THSD4: variants seen among roughly 807,000 people sequenced by gnomAD.
THSD4 encodes thrombospondin type-1 domain-containing protein 4.
Under a neutral mutation model 119.0 loss-of-function variants are expected in THSD4, and 69 were observed. The ratio of observed to expected loss-of-function variants is 0.58; its 90% confidence interval spans 0.48 to 0.71. The LOEUF (loss-of-function observed/expected upper bound fraction) is 0.71. THSD4 is among the 30% of genes least tolerant of loss of function. THSD4 has a pLI of 0.00. For synonymous variants in THSD4, 524 were observed against 540.4 expected (o/e 0.97, Z 0.42); for missense variants, 1,393 against 1,391.1 (o/e 1.00, Z -0.02).
chr15:71,721,185 G>T (rs1296867211), intron 8 of THSD4, among the ~76,000 whole-genome samples: 6 of 151,770 alleles, frequency 4.0e-5, no homozygotes, highest in African/African-American at 1.2e-4. Context: ...TGGCCAACAT[G>T]GTGAAACCCT....
At chr15:71,300,023 C>T (rs1251059623) in intron 6 of THSD4, among the ~76,000 whole-genome samples, 1 of 146,320 alleles carries the variant, frequency 6.8e-6, no homozygotes, top group African/African-American at 2.5e-5. Context: ...TGGTGGCAGG[C>T]ATCTGTGGTC....
intron 7 of THSD4, among the ~76,000 whole-genome samples, chr15:71,443,615 G>A (rs1373702659): frequency 3.9e-5 from 6 of 152,164 alleles, no homozygotes; most frequent in Non-Finnish European, 8.8e-5. Flanking sequence ...CAGCAAACCT[G>A]TATGTTGTCC....
At chr15:71,771,266 C>T in intron 17 of THSD4, 58 bp downstream of exon 17, 1 of 1,594,670 alleles carries the variant, frequency 6.3e-7, no homozygotes, top group Non-Finnish European at 8.6e-7. Flanking sequence ...TTGTCAGATT[C>T]TCCGGTGTGA....
chr15:71,571,842 C>G (rs2049364567), intron 7 of THSD4, among the ~76,000 whole-genome samples: 1 of 152,188 alleles, frequency 6.6e-6, no homozygotes, highest in Non-Finnish European at 1.5e-5. Context: ...ATGGGAGATT[C>G]AGCTGCTGGG....
At chr15:71,575,688 C>G (rs2049435990) in intron 7 of THSD4, among the ~76,000 whole-genome samples, 1 of 152,170 alleles carries the variant, frequency 6.6e-6, no homozygotes, top group African/African-American at 2.4e-5. Context: ...TCATTATTGT[C>G]TCTAAAGTGG....
At chr15:71,693,447 G>C (rs2141055778) in intron 8 of THSD4, among the ~76,000 whole-genome samples, 2 of 152,308 alleles carry the variant, frequency 1.3e-5, no homozygotes, top group Admixed American at 1.3e-4. Flanking sequence ...AGGAGTTCAA[G>C]ACCAGCTTGG....
chr15:71,694,023 A>AAAAG (rs544273960), intron 8 of THSD4, among the ~76,000 whole-genome samples: 76 of 152,096 alleles, frequency 5.0e-4, no homozygotes, highest in Non-Finnish European at 7.8e-4. Context: ...TCAAAAAAAA[A>AAAAG]AAAGAAAGAA....
chr15:71,698,379 G>T (rs932755385), intron 8 of THSD4, among the ~76,000 whole-genome samples: 6 of 152,048 alleles, frequency 3.9e-5, no homozygotes, highest in Non-Finnish European at 8.8e-5. Flanking sequence ...CACACTGGTA[G>T]TGGGAATATA....
chr15:71,203,468 A>G (rs1420432615), intron 3 of THSD4, among the ~76,000 whole-genome samples: 1 of 151,268 alleles, frequency 6.6e-6, no homozygotes, highest in Non-Finnish European at 1.5e-5. Context: ...CAGCCTGGCC[A>G]ACATGATGAA....
intron 6 of THSD4, among the ~76,000 whole-genome samples, chr15:71,349,502 T>C (rs1255669023): frequency 6.6e-6 from 1 of 152,176 alleles, no homozygotes; most frequent in Non-Finnish European, 1.5e-5. Flanking sequence ...TGCATCACCT[T>C]TCTGTCTACG....
At chr15:71,194,007 G>A (rs780500956) in intron 3 of THSD4, among the ~76,000 whole-genome samples, 80 of 152,268 alleles carry the variant, frequency 5.3e-4, no homozygotes, top group African/African-American at 1.8e-3. Context: ...CACCGCGCCC[G>A]GCCTGAGATC....
intron 11 of THSD4, among the ~76,000 whole-genome samples, chr15:71,743,213 C>A (rs2053269959): frequency 6.6e-6 from 1 of 152,114 alleles, no homozygotes; most frequent in South Asian, 2.1e-4. Flanking sequence ...CTGGACAACC[C>A]CAGCAGGACC....
At chr15:71,199,549 GGTGTGTGTATGTGGT>G (rs1567154590) in intron 3 of THSD4, among the ~76,000 whole-genome samples, 5 of 144,214 alleles carry the variant, frequency 3.5e-5, no homozygotes, top group East Asian at 4.3e-4. Flanking sequence ...GTGTATGTGT[GGTGTGTGTATGTGGT>G]GTGTGTGTAG....
chr15:71,779,493 G>A lies in THSD4; in HGVS notation c.*2119G>A, dbSNP rs1210416616. 2 of 152,222 alleles carry A rather than the reference G, an allele frequency of 1.3e-5. No homozygotes were observed. The highest frequency in any genetic ancestry group is 2.9e-5 in the Non-Finnish European group (2 of 68,062). 9.4% of individuals were successfully genotyped at this position (152,222 alleles called of 1,614,324 possible). A position where few individuals can be genotyped will look rare whatever the true frequency, so the allele number is the denominator to read the frequency against. Reference sequence around the variant, plus strand: ...AGATCAATGAGTGGAAGAGAGAAAGGCTGTTTTAGCTCAAGTTAAAGGAAC... The same window carrying A: ...AGATCAATGAGTGGAAGAGAGAAAGACTGTTTTAGCTCAAGTTAAAGGAAC... On this transcript the variant is annotated 3_prime_UTR_variant, in exon 18 of 18. Transcript: ENST00000261862.
intron 9 of THSD4, chr15:71,728,928 C>T: frequency 1.6e-6 from 1 of 628,864 alleles, no homozygotes; most frequent in African/African-American, 1.8e-5. Flanking sequence ...CAACCTCCAA[C>T]TCCACCAGAT....
At chr15:71,346,776 G>A (rs2045666621) in intron 6 of THSD4, among the ~76,000 whole-genome samples, 2 of 150,056 alleles carry the variant, frequency 1.3e-5, no homozygotes, top group South Asian at 2.1e-4. Context: ...TATTTATTAT[G>A]TGTGTATTTC....
intron 6 of THSD4, among the ~76,000 whole-genome samples, chr15:71,300,491 G>A (rs2044933822): frequency 6.6e-6 from 1 of 152,206 alleles, no homozygotes; most frequent in Non-Finnish European, 1.5e-5. Flanking sequence ...GATTGTGAAG[G>A]ATTGGCTTGG....
At chr15:71,495,084 GA>G (rs368165028) in intron 7 of THSD4, among the ~76,000 whole-genome samples, 186 of 152,312 alleles carry the variant, frequency 1.2e-3, no homozygotes, top group Middle Eastern at 3.4e-3. Context: ...TTGCTTTTCA[GA>G]AAGCGGGGAG....
chr15:71,568,613 T>C (rs993846950), intron 7 of THSD4, among the ~76,000 whole-genome samples: 5 of 152,106 alleles, frequency 3.3e-5, no homozygotes, highest in Non-Finnish European at 7.4e-5. Flanking sequence ...AATTATACTT[T>C]AAGTTCTAGG....
Sources: gnomAD v4.1 joint callset for allele counts (sites outside exome capture counted in the v4.1 genomes callset) on GRCh38, gnomAD v4.1.1 for gene constraint, MANE v1.5 for transcripts, NCBI Gene and HGNC (gene_info 2026-07-23, HGNC 2026-07-21) for gene names.